The following ZSWIM5 variants were observed in gnomAD, a reference collection of about 807,000 sequenced individuals.
The protein encoded by ZSWIM5 is zinc finger SWIM-type containing 5, also known as zinc finger SWIM domain-containing protein 5.
ZSWIM5 carries 55 observed loss-of-function variants against 119.6 expected under a neutral mutation model. The ratio of observed to expected loss-of-function variants is 0.46; its 90% CI spans 0.37 to 0.58. ZSWIM5 has a LOEUF of 0.58. ZSWIM5 is among the 20% of genes least tolerant of loss of function. The pLI, the probability that ZSWIM5 is intolerant of heterozygous loss-of-function variation, is 0.00. For synonymous variants in ZSWIM5, 537 were observed against 606.9 expected (o/e 0.88, Z 1.69); for missense variants, 1,193 against 1,512.8 (o/e 0.79, Z 3.51).
intron 11 of ZSWIM5, among the ~76,000 whole-genome samples, chr1:45,028,291 A>G (rs974451391): frequency 6.6e-5 from 10 of 152,242 alleles, no homozygotes; most frequent in African/African-American, 2.2e-4. Context: ...ACCCAAGGTC[A>G]TGAAGACTTA....
At chr1:45,190,196 G>C (rs985872076) in intron 1 of ZSWIM5, among the ~76,000 whole-genome samples, 1 of 152,034 alleles carries the variant, frequency 6.6e-6, no homozygotes, top group South Asian at 2.1e-4. Context: ...ATAGTGGTGC[G>C]TGCCTATAGT....
At chr1:45,108,508 C>T (rs1363634754) in intron 1 of ZSWIM5, among the ~76,000 whole-genome samples, 1 of 152,064 alleles carries the variant, frequency 6.6e-6, no homozygotes, top group African/African-American at 2.4e-5. Flanking sequence ...ATTAGTCATA[C>T]CCTTTTCCAG....
chr1:45,158,688 C>T (rs1207121270), intron 1 of ZSWIM5, among the ~76,000 whole-genome samples: 1 of 152,110 alleles, frequency 6.6e-6, no homozygotes, highest in Non-Finnish European at 1.5e-5. Flanking sequence ...ATGTCTGGTA[C>T]ATAAAAGATC....
At chr1:45,140,370 C>T (rs550177776) in intron 1 of ZSWIM5, among the ~76,000 whole-genome samples, 2 of 152,268 alleles carry the variant, frequency 1.3e-5, no homozygotes, top group Admixed American at 1.3e-4. Context: ...GCTATCTGAA[C>T]ATTTATAGAA....
chr1:45,021,221 G>C (rs986562487), intron 11 of ZSWIM5, among the ~76,000 whole-genome samples: 1 of 152,140 alleles, frequency 6.6e-6, no homozygotes, highest in African/African-American at 2.4e-5. Context: ...ATTTTTAGTA[G>C]AGATGGGGTT....
Position 45,019,421 on chromosome 1 carries a change from C to T in ZSWIM5, c.2696-105G>A. The T allele has an allele frequency of 7.0e-7, 1 of 1,438,304 alleles. No homozygotes were observed. The highest frequency in any genetic ancestry group is 9.3e-7 in the Non-Finnish European group (1 of 1,078,582). The allele number at this position is 1,438,304 out of a possible 1,614,324, so 89.1% of individuals were successfully genotyped here. A position where few individuals can be genotyped will look rare whatever the true frequency, so the allele number is the denominator to read the frequency against. On this transcript the variant is annotated intron_variant, in intron 13 of 13. Coordinates refer to ENST00000359600, the MANE Select transcript of ZSWIM5 (RefSeq NM_020883.2). The surrounding 1 kb of genome is among the most constrained non-coding windows in gnomAD (Gnocchi z 5.0). ...ACTTGGCCTGCAGAGATGAATTCTTCCTCCTCAGCAACCTTGAGATGATAT... is the reference window on the plus strand; with the variant it reads ...ACTTGGCCTGCAGAGATGAATTCTTTCTCCTCAGCAACCTTGAGATGATAT...
intron 1 of ZSWIM5, 49 bp downstream of exon 1, chr1:45,205,707 C>A: frequency 1.4e-6 from 2 of 1,466,526 alleles, no homozygotes; most frequent in East Asian, 3.0e-5. Flanking sequence ...GAAGAGGCAC[C>A]CGCGGAAGAG....
chr1:45,158,189 C>T (rs1645842646), intron 1 of ZSWIM5, among the ~76,000 whole-genome samples: 1 of 151,974 alleles, frequency 6.6e-6, no homozygotes, highest in Non-Finnish European at 1.5e-5. Context: ...ATTTTTGAGA[C>T]AGTCTTGCTC....
chr1:45,093,924 A>G (rs1233740379), intron 1 of ZSWIM5, among the ~76,000 whole-genome samples: 2 of 151,382 alleles, frequency 1.3e-5, no homozygotes, highest in African/African-American at 2.4e-5. Context: ...GCTTGCTGCA[A>G]CCTTGACCTC....
intron 1 of ZSWIM5, among the ~76,000 whole-genome samples, chr1:45,190,758 CACTT>C (rs1432434123): frequency 6.6e-6 from 1 of 151,912 alleles, no homozygotes; most frequent in African/African-American, 2.4e-5. Context: ...AAATGCAACA[CACTT>C]ACTAGGGATC....
Position 45,206,150 on chromosome 1 carries a change from G to C in ZSWIM5, c.201C>G (p.Asp67Glu). 6.2e-7 allele frequency: 1 copy of C among 1,610,106 alleles called. No homozygotes were observed. The highest frequency in any genetic ancestry group is 8.5e-7 in the Non-Finnish European group (1 of 1,178,908). ...RPHLQPDSLL[D>E]CAAKTVAEKW... The stretch of plus-strand genomic sequence containing the variant: ...TTTCCGCCACCGTCTTGGCGGCGCA[G>C]TCCAGTAAGGAATCCGGCTGCAGGT... Residue 67 changes from aspartate to glutamate, a missense_variant, in exon 1 of 14, where the codon GAC (aspartate) becomes GAG (glutamate). By Grantham distance (45) the Asp-to-Glu change is conservative. Coordinates refer to ENST00000359600, the MANE Select transcript of ZSWIM5 (RefSeq NM_020883.2).
At chr1:45,022,796 G>T (rs1360353668) in intron 11 of ZSWIM5, among the ~76,000 whole-genome samples, 1 of 152,162 alleles carries the variant, frequency 6.6e-6, no homozygotes, top group Non-Finnish European at 1.5e-5. Flanking sequence ...AAAATCTGAG[G>T]ATGCTCAAGT....
At chr1:45,168,591 G>C (rs1244679732) in intron 1 of ZSWIM5, among the ~76,000 whole-genome samples, 1 of 142,124 alleles carries the variant, frequency 7.0e-6, no homozygotes, top group African/African-American at 2.6e-5. Context: ...CTTGAACCCA[G>C]AAGACAGAAG....
rs372026272 is a variant in ZSWIM5 at position 45,180,594 on chromosome 1, C to T, written c.595+25162G>A. 4.6e-5 allele frequency among the ~76,000 whole-genome samples: 7 copies of T among 152,234 alleles called. No individual in the cohort carries two copies. The South Asian group carries it at 8.3e-4, about 18-fold the overall frequency. ...AAGGAGAGCAGTGGTTCTCCCAGCA[C>T]GCAGCTGGAGATCTGAGAACGGGCA... On this transcript the variant is annotated intron_variant, in intron 1 of 13. Coordinates refer to ENST00000359600, the MANE Select transcript of ZSWIM5 (RefSeq NM_020883.2).
chr1:45,155,739 G>A (rs1389888827), intron 1 of ZSWIM5, among the ~76,000 whole-genome samples: 1 of 152,170 alleles, frequency 6.6e-6, no homozygotes, highest in Non-Finnish European at 1.5e-5. Flanking sequence ...GCAGCAACCT[G>A]GATGGGATTG....
chr1:45,069,111 C>G (rs1252077736), intron 2 of ZSWIM5, among the ~76,000 whole-genome samples: 1 of 151,954 alleles, frequency 6.6e-6, no homozygotes, highest in Non-Finnish European at 1.5e-5. Context: ...CCCACCCAGT[C>G]AGAATCTTTT....
chr1:45,205,310 T>A (rs1298901773), intron 1 of ZSWIM5, among the ~76,000 whole-genome samples: 1 of 152,164 alleles, frequency 6.6e-6, no homozygotes, highest in Non-Finnish European at 1.5e-5. Context: ...CAGTGTTAAT[T>A]TCATCGAGAC....
At chr1:45,166,635 A>G (rs1401344215) in intron 1 of ZSWIM5, among the ~76,000 whole-genome samples, 1 of 152,152 alleles carries the variant, frequency 6.6e-6, no homozygotes, top group Non-Finnish European at 1.5e-5. Context: ...TCAGGAAACA[A>G]AAGCAATGTG....
In ZSWIM5 at chr1:45,088,169, C is replaced by T; in HGVS notation, c.664G>A (p.Ala222Thr). The T allele has an allele frequency of 6.2e-7, 1 of 1,614,148 alleles. No individual in the cohort carries two copies. The highest frequency in any genetic ancestry group is 8.5e-7 in the Non-Finnish European group (1 of 1,180,018). ...ASEPAVTYKV[A>T]ISFDRCKITS... ...ATTTTGCATCGATCAAAACTGATTG[C>T]AACTTTATAAGTCACTGCTGGTTCA... is the stretch of plus-strand genomic sequence containing the variant. The change falls in exon 2 of 14, where the codon GCA becomes ACA. Residue 222 changes from alanine (A) to threonine (T), a missense_variant. Around this residue, in one of 2 missense-constraint regions of ZSWIM5, gnomAD observed 961 missense variants for 1,290.0 expected, o/e 0.74. Transcript: ENST00000359600. The surrounding 1 kb of genome is among the most constrained non-coding windows in gnomAD (Gnocchi z 4.2).
Sources: gnomAD v4.1 joint callset for allele counts (sites outside exome capture counted in the v4.1 genomes callset) on GRCh38, gnomAD v4.1.1 for gene constraint, gnomAD v4.1.1 regional missense constraint, Gnocchi (gnomAD v3.1) non-coding constraint, MANE v1.5 for transcripts, NCBI Gene and HGNC (gene_info 2026-07-23, HGNC 2026-07-21) for gene names.